SPATA17: variants seen among roughly 807,000 people sequenced by gnomAD.
SPATA17 encodes spermatogenesis-associated protein 17.
Under a neutral mutation model 62.2 loss-of-function variants are expected in SPATA17, and 53 were observed. The observed-to-expected ratio is 0.85, with a 90% CI of 0.68 to 1.07. The LOEUF (loss-of-function observed/expected upper bound fraction) is 1.07, where lower values mean the gene tolerates loss of function less well. Among genes scored for constraint, SPATA17 ranks in the 50% least tolerant of loss-of-function variants. The pLI, the probability that SPATA17 is intolerant of heterozygous loss-of-function variation, is 0.00. For synonymous variants in SPATA17, 146 were observed against 146.8 expected (o/e 0.99, Z 0.04); for missense variants, 466 against 425.5 (o/e 1.10, Z -0.84).
At chr1:217,751,174 A>G (rs1672896811) in intron 6 of SPATA17, among the ~76,000 whole-genome samples, 1 of 152,336 alleles carries the variant, frequency 6.6e-6, no homozygotes, top group Non-Finnish European at 1.5e-5. Flanking sequence ...TAAGGCCTGT[A>G]TATAGAAGCA....
chr1:217,842,170 C>T (rs1675422780), intron 9 of SPATA17, among the ~76,000 whole-genome samples: 1 of 151,892 alleles, frequency 6.6e-6, no homozygotes, highest in Admixed American at 6.6e-5. Context: ...GAACTCTAAT[C>T]ATGAGATACT....
At chr1:217,767,482 AG>A (rs1032755659) in intron 6 of SPATA17, among the ~76,000 whole-genome samples, 6 of 151,972 alleles carry the variant, frequency 3.9e-5, no homozygotes, top group Admixed American at 3.3e-4. Context: ...TCTTCCCCTT[AG>A]GTTATTTTTA....
chr1:217,718,475 T>A (rs896553484), intron 5 of SPATA17, among the ~76,000 whole-genome samples: 3 of 152,138 alleles, frequency 2.0e-5, no homozygotes, highest in Non-Finnish European at 4.4e-5. Context: ...ATCCAGGTGG[T>A]TTAGGTAACT....
intron 5 of SPATA17, among the ~76,000 whole-genome samples, chr1:217,732,010 T>G (rs1190035311): frequency 6.6e-6 from 1 of 152,158 alleles, no homozygotes; most frequent in African/African-American, 2.4e-5. Context: ...TTCCATTTCC[T>G]TTCCTTCTAA....
At chr1:217,713,448 T>C (rs1671926333) in intron 5 of SPATA17, among the ~76,000 whole-genome samples, 1 of 152,184 alleles carries the variant, frequency 6.6e-6, no homozygotes, top group Admixed American at 6.5e-5. Flanking sequence ...AATGAAGAGA[T>C]GACTCATTAG....
At chr1:217,825,935 G>A (rs1001595213) in intron 9 of SPATA17, among the ~76,000 whole-genome samples, 20 of 152,008 alleles carry the variant, frequency 1.3e-4, no homozygotes, top group African/African-American at 4.8e-4. Flanking sequence ...TTATTCCTAA[G>A]TAATTTATAT....
intron 9 of SPATA17, among the ~76,000 whole-genome samples, chr1:217,802,693 C>A (rs1433508720): frequency 6.6e-6 from 1 of 152,118 alleles, no homozygotes; most frequent in Non-Finnish European, 1.5e-5. Flanking sequence ...CAGGTTCCGT[C>A]TCTAATACAG....
At chr1:217,745,166 T>C (rs1672718536) in intron 6 of SPATA17, among the ~76,000 whole-genome samples, 1 of 152,192 alleles carries the variant, frequency 6.6e-6, no homozygotes, top group South Asian at 2.1e-4. Context: ...GAAATTGTAT[T>C]CTCAAATCGC....
intron 5 of SPATA17, among the ~76,000 whole-genome samples, chr1:217,731,138 A>C (rs1330161010): frequency 6.6e-6 from 1 of 151,232 alleles, no homozygotes; most frequent in Non-Finnish European, 1.5e-5. Context: ...TCTTCTCTGC[A>C]TTCCTTGTGT....
intron 6 of SPATA17, among the ~76,000 whole-genome samples, chr1:217,773,051 A>G (rs1311888505): frequency 6.6e-6 from 1 of 152,018 alleles, no homozygotes; most frequent in Admixed American, 6.6e-5. Context: ...CATTTGGGAT[A>G]GGACGTTGCA....
intron 3 of SPATA17, among the ~76,000 whole-genome samples, chr1:217,656,961 G>A (rs1305992559): frequency 6.6e-6 from 1 of 152,092 alleles, no homozygotes; most frequent in East Asian, 1.9e-4. Flanking sequence ...GCCCTTATTG[G>A]GGATTTTTCT....
At chr1:217,724,007 T>C (rs1672200059) in intron 5 of SPATA17, among the ~76,000 whole-genome samples, 1 of 152,228 alleles carries the variant, frequency 6.6e-6, no homozygotes, top group East Asian at 1.9e-4. Flanking sequence ...CTAGCTGTTA[T>C]ACATTCCTCC....
intron 5 of SPATA17, among the ~76,000 whole-genome samples, chr1:217,721,556 C>G (rs1672127311): frequency 6.6e-6 from 1 of 152,140 alleles, no homozygotes; most frequent in Non-Finnish European, 1.5e-5. Context: ...TCCATGTGCT[C>G]CAAATGACTC....
intron 5 of SPATA17, among the ~76,000 whole-genome samples, chr1:217,707,996 T>C (rs1179040236): frequency 6.6e-6 from 1 of 152,204 alleles, no homozygotes; most frequent in Non-Finnish European, 1.5e-5. Flanking sequence ...CAAGGAATTC[T>C]TTGAAACTGA....
At chr1:217,747,759 A>G (rs1672798302) in intron 6 of SPATA17, among the ~76,000 whole-genome samples, 1 of 152,156 alleles carries the variant, frequency 6.6e-6, no homozygotes, top group Non-Finnish European at 1.5e-5. Context: ...TATATAATGG[A>G]AATAATTTTC....
intron 6 of SPATA17, among the ~76,000 whole-genome samples, chr1:217,758,212 T>G (rs183294062): frequency 6.6e-6 from 1 of 152,222 alleles, no homozygotes; most frequent in African/African-American, 2.4e-5. Context: ...TGAGATAGAC[T>G]ATTACTTCCA....
intron 6 of SPATA17, among the ~76,000 whole-genome samples, chr1:217,767,956 G>A (rs1673343357): frequency 6.6e-6 from 1 of 152,130 alleles, no homozygotes; most frequent in Non-Finnish European, 1.5e-5. Context: ...ACCTTTTAAA[G>A]GAAATGTGGG....
chr1:217,852,436 ACTT>A (rs752953204), intron 9 of SPATA17, among the ~76,000 whole-genome samples: 2 of 152,164 alleles, frequency 1.3e-5, no homozygotes, highest in Admixed American at 6.6e-5. Flanking sequence ...ATTATTATAT[ACTT>A]CTTCTTTGGG....
intron 5 of SPATA17, among the ~76,000 whole-genome samples, chr1:217,700,578 C>T (rs574963697): frequency 1.3e-5 from 2 of 151,740 alleles, no homozygotes; most frequent in South Asian, 2.1e-4. Context: ...TTTATACATA[C>T]ATTTTTTTTT....
Sources: allele counts gnomAD v4.1 joint callset (sites outside exome capture counted in the v4.1 genomes callset), GRCh38; gene constraint gnomAD v4.1.1; transcripts MANE v1.5; gene names NCBI Gene and HGNC (gene_info 2026-07-23, HGNC 2026-07-21).